The following UGT1A8 variants were observed in gnomAD, a reference collection of about 807,000 sequenced individuals.
UGT1A8 encodes UDP glucuronosyltransferase family 1 member A8.
UGT1A8 carries 39 observed loss-of-function variants against 45.3 expected under a neutral mutation model. The observed-to-expected ratio is 0.86, with a 90% CI of 0.67 to 1.12. The LOEUF is 1.12. Ranked by LOEUF, UGT1A8 falls within the 50% of genes most tolerant of loss-of-function variation. The pLI is 0.00. For missense variants in UGT1A8, 719 were observed against 664.9 expected (o/e 1.08, Z -0.90); for synonymous variants, 275 against 249.2 (o/e 1.10, Z -0.97).
chr2:233,705,461 A>C (rs142417974), intron 1 of UGT1A8, among the ~76,000 whole-genome samples: 3,272 of 152,314 alleles, frequency 0.021, 112 homozygotes, highest in African/African-American at 0.075. Flanking sequence ...ATTTTTTAGC[A>C]GACACACATG....
rs925938365 is a variant in UGT1A8 at position 233,626,754 on chromosome 2, G to A, written c.855+8192G>A. 2.0e-5 allele frequency among the ~76,000 whole-genome samples: 3 copies of A among 152,018 alleles called. No homozygotes were observed. The East Asian group carries it at 5.8e-4, about 29-fold the overall frequency. On this transcript the variant is annotated intron_variant, in intron 1 of 4. Transcript: ENST00000373450. ...AGTTCTAAAGTTCCTTATGACCCCT[G>A]ATTGAGAGACTGAATTAGAGATGTT...
In UGT1A8 at chr2:233,694,973, C is replaced by T. The variant is rs45521138; in HGVS notation, c.856-72061C>T. Among the ~76,000 whole-genome samples, 1,213 of 152,278 alleles carry T rather than the reference C, an allele frequency of 8.0e-3. 9 individuals are homozygous for T. Among genetic ancestry groups the T allele is most frequent in the Non-Finnish European group, 0.011 (721 of 68,026 alleles). ...CCATCACCTTGAACATTTATTCCTT[C>T]CTTATGTTGGGAACATTCCCATTCT... On this transcript the variant is annotated intron_variant, in intron 1 of 4. Coordinates refer to ENST00000373450, the MANE Select transcript of UGT1A8 (RefSeq NM_019076.5).
chr2:233,755,203 A>T, intron 1 of UGT1A8: 1 of 1,097,556 alleles, frequency 9.1e-7, no homozygotes, highest in African/African-American at 1.6e-5. Flanking sequence ...AGCTTGCGGT[A>T]CGCCTTCTTG....
chr2:233,725,083 A>C (rs2077363375), intron 1 of UGT1A8, among the ~76,000 whole-genome samples: 1 of 145,276 alleles, frequency 6.9e-6, no homozygotes, highest in African/African-American at 2.6e-5. Flanking sequence ...GGCACTCGGC[A>C]GGCTGAGGCA....
chr2:233,710,884 G>A (rs539845882), intron 1 of UGT1A8, among the ~76,000 whole-genome samples: 10 of 152,338 alleles, frequency 6.6e-5, no homozygotes, highest in African/African-American at 1.9e-4. Flanking sequence ...AACAGTTTAA[G>A]TTTGTAGGTT....
intron 1 of UGT1A8, among the ~76,000 whole-genome samples, chr2:233,731,055 A>C (rs1216603492): frequency 1.3e-5 from 2 of 152,192 alleles, no homozygotes; most frequent in East Asian, 1.9e-4. Flanking sequence ...AATGTGTATG[A>C]ACTTCCATGA....
At chr2:233,649,433 A>T (rs1367602350) in intron 1 of UGT1A8, among the ~76,000 whole-genome samples, 1 of 152,202 alleles carries the variant, frequency 6.6e-6, no homozygotes, top group Admixed American at 6.5e-5. Context: ...AACCTGTACT[A>T]CCTGCTGCAG....
At chr2:233,690,403 A>G in intron 1 of UGT1A8, 1 of 1,165,082 alleles carries the variant, frequency 8.6e-7, no homozygotes, top group Non-Finnish European at 1.1e-6. Context: ...TCCTATTCCC[A>G]ACATGAAATT....
chr2:233,767,955 A>G lies in UGT1A8; in HGVS notation c.1075+19A>G. ...CTGCTTGGTATGTTGGGCGGATTGG[A>G]TGTATAGGTCAAACCAGGGTCAAAT... On this transcript the variant is annotated intron_variant, in intron 3 of 4. Coordinates refer to ENST00000373450, the MANE Select transcript of UGT1A8 (RefSeq NM_019076.5). 1 of 1,614,124 alleles carries G rather than the reference A, an allele frequency of 6.2e-7. No homozygotes were observed. The highest frequency in any genetic ancestry group is 8.5e-7 in the Non-Finnish European group (1 of 1,180,040).
chr2:233,645,070 A>G lies in UGT1A8; in HGVS notation c.855+26508A>G, dbSNP rs139548653. Among the ~76,000 whole-genome samples, 1,300 of 152,288 alleles carry G rather than the reference A, an allele frequency of 8.5e-3. 26 individuals carry two copies. Among genetic ancestry groups the G allele is most frequent in the African/African-American group, 0.03 (1,232 of 41,556 alleles). On this transcript the variant is annotated intron_variant, in intron 1 of 4. Transcript: ENST00000373450. ...TTTAGGGTTCTGGGTGGCTAGGGAC[A>G]TTGTCCAATATCAAAAGAACTTTAA...
intron 1 of UGT1A8, among the ~76,000 whole-genome samples, chr2:233,674,025 T>C (rs2074270792): frequency 6.6e-6 from 1 of 152,180 alleles, no homozygotes; most frequent in Admixed American, 6.5e-5. Context: ...CAGAATAACA[T>C]TCTTAGCAAA....
intron 1 of UGT1A8, chr2:233,713,305 ATCT>A (rs761507156): frequency 1.2e-6 from 2 of 1,614,274 alleles, no homozygotes; most frequent in Non-Finnish European, 1.7e-6. Flanking sequence ...GAAACAGAAC[ATCT>A]TCTGATGAAA....
At chr2:233,626,235 T>C (rs1239255255) in intron 1 of UGT1A8, among the ~76,000 whole-genome samples, 1 of 152,096 alleles carries the variant, frequency 6.6e-6, no homozygotes, top group Non-Finnish European at 1.5e-5. Flanking sequence ...TAAGGGTTCA[T>C]GTTGTAATAG....
At chr2:233,634,066 A>G (rs900427124) in intron 1 of UGT1A8, among the ~76,000 whole-genome samples, 10 of 152,154 alleles carry the variant, frequency 6.6e-5, no homozygotes, top group African/African-American at 2.4e-4. Context: ...TTCATTATTT[A>G]CCCAGTAGTA....
chr2:233,659,945 A>G lies in UGT1A8; in HGVS notation c.855+41383A>G, dbSNP rs558382346. ...TCAAAAGCACTCATCTCATCAAGTC[A>G]TCTTCTGTTAATTCCTCAGGTGTGG... On this transcript the variant is annotated intron_variant, in intron 1 of 4. Transcript: ENST00000373450. 2.6e-5 allele frequency among the ~76,000 whole-genome samples: 4 copies of G among 152,288 alleles called. No individual in the cohort carries two copies. In the East Asian group the frequency reaches 7.7e-4, roughly 29 times the overall value.
rs564499823 is a variant in UGT1A8, at chr2:233,638,303, G to A, written c.855+19741G>A. On this transcript the variant is annotated intron_variant, in intron 1 of 4. Coordinates refer to ENST00000373450, the MANE Select transcript of UGT1A8 (RefSeq NM_019076.5). ...TACTTTAGAAACTATTTTGTACAGG[G>A]CAATGTTTCCATTTCTACATTTAAC... Among the ~76,000 whole-genome samples the A allele has an allele frequency of 5.3e-5, 8 of 152,078 alleles. No individual in the cohort carries two copies. In the East Asian group the frequency reaches 5.8e-4, roughly 11 times the overall value.
intron 1 of UGT1A8, among the ~76,000 whole-genome samples, chr2:233,650,092 T>A (rs958289025): frequency 6.6e-6 from 1 of 152,134 alleles, no homozygotes; most frequent in Non-Finnish European, 1.5e-5. Flanking sequence ...TGCCTCAGCC[T>A]CCTGAGTAGC....
Position 233,769,575 on chromosome 2 carries a change from G to A in UGT1A8, c.1295+1136G>A. On this transcript the variant is annotated intron_variant, in intron 4 of 4. Coordinates refer to ENST00000373450, the MANE Select transcript of UGT1A8 (RefSeq NM_019076.5). The surrounding 1 kb of genome is among the most constrained non-coding windows in gnomAD (Gnocchi z 4.4). ...AGACAGATGTGAAGAGCTGGAGCAT[G>A]TTCAGATGAGAGGAGACGGAACACG... The A allele has an allele frequency of 6.2e-7, 1 of 1,612,906 alleles. No homozygotes were observed. Among genetic ancestry groups the A allele is most frequent in the Middle Eastern group, 1.7e-4 (1 of 6,060 alleles).
At chr2:233,741,532 A>C (rs1691693869) in intron 1 of UGT1A8, 1 of 151,938 alleles carries the variant, frequency 6.6e-6, no homozygotes, top group Non-Finnish European at 1.5e-5. Flanking sequence ...AGTCTGTCTT[A>C]TTCTGATACT....
Sources: allele counts gnomAD v4.1 joint callset (sites outside exome capture counted in the v4.1 genomes callset), GRCh38; gene constraint gnomAD v4.1.1; non-coding constraint Gnocchi (gnomAD v3.1); transcripts MANE v1.5; gene names NCBI Gene and HGNC (gene_info 2026-07-23, HGNC 2026-07-21).